The following EPHB1 variants were observed in gnomAD, a reference collection of about 807,000 sequenced individuals.
The protein encoded by EPHB1 is EPH receptor B1, also known as ephrin type-B receptor 1.
In EPHB1, 30 loss-of-function variants were observed where a neutral mutation model predicts 94.4. That is an observed-to-expected ratio of 0.32 (90% confidence interval 0.24 to 0.43). The LOEUF (loss-of-function observed/expected upper bound fraction) is 0.43, where lower values mean the gene tolerates loss of function less well. Ranked by LOEUF, EPHB1 falls within the 20% of genes least tolerant of loss-of-function variation. The probability of loss-of-function intolerance (pLI) is 1.00; values close to 1 mark genes in which losing one functional copy is unlikely to be tolerated. For synonymous variants in EPHB1, 522 were observed against 489.1 expected, an observed-to-expected ratio of 1.07 and a Z score of -0.89; for missense variants, 1,055 against 1,308.3, an observed-to-expected ratio of 0.81 and a Z score of 2.99.
intron 5 of EPHB1, among the ~76,000 whole-genome samples, chr3:135,149,532 G>C (rs951538066): frequency 6.6e-6 from 1 of 152,114 alleles, no homozygotes; most frequent in Non-Finnish European, 1.5e-5. Context: ...TTTCTGTTTT[G>C]TCCGAAAGTT....
chr3:135,199,264 C>T (rs898612762), intron 11 of EPHB1, among the ~76,000 whole-genome samples: 1 of 152,130 alleles, frequency 6.6e-6, no homozygotes, highest in Non-Finnish European at 1.5e-5. Context: ...TGAGATACAC[C>T]TCTGTAATAT....
intron 1 of EPHB1, among the ~76,000 whole-genome samples, chr3:134,891,984 A>G (rs1560284530): frequency 6.6e-6 from 1 of 152,218 alleles, no homozygotes; most frequent in Non-Finnish European, 1.5e-5. Flanking sequence ...CTCTTTAGCC[A>G]GGCTTCTGTT....
chr3:134,849,714 T>C (rs1199159703), intron 1 of EPHB1, among the ~76,000 whole-genome samples: 1 of 152,212 alleles, frequency 6.6e-6, no homozygotes, highest in East Asian at 1.9e-4. Flanking sequence ...AGGAACCATT[T>C]GTGCCAGCTA....
intron 3 of EPHB1, among the ~76,000 whole-genome samples, chr3:135,096,563 A>G (rs1362054593): frequency 6.6e-6 from 1 of 152,208 alleles, no homozygotes; most frequent in African/African-American, 2.4e-5. Context: ...TGGGTGGCTT[A>G]AACAACAAAC....
chr3:134,926,367 CT>C (rs1210103491), intron 2 of EPHB1, among the ~76,000 whole-genome samples: 1 of 152,170 alleles, frequency 6.6e-6, no homozygotes, highest in African/African-American at 2.4e-5. Context: ...TCGTGGCCTC[CT>C]GTGGGAACCA....
At chr3:135,168,516 T>C (rs531629472) in intron 9 of EPHB1, among the ~76,000 whole-genome samples, 27 of 152,372 alleles carry the variant, frequency 1.8e-4, no homozygotes, top group African/African-American at 5.3e-4. Context: ...CTTCTATTTA[T>C]GTTGGCCTGT....
intron 12 of EPHB1, 46 bp from the exon 13 acceptor site, chr3:135,241,102 T>C: frequency 6.2e-7 from 1 of 1,613,628 alleles, no homozygotes; most frequent in East Asian, 2.2e-5. Flanking sequence ...CTGCCTTCAA[T>C]CAGAAACCTG....
At chr3:134,864,183 A>C (rs1477038182) in intron 1 of EPHB1, among the ~76,000 whole-genome samples, 1 of 152,146 alleles carries the variant, frequency 6.6e-6, no homozygotes, top group East Asian at 1.9e-4. Flanking sequence ...CCATCACTGC[A>C]GTTCATGGCT....
intron 3 of EPHB1, among the ~76,000 whole-genome samples, chr3:135,011,791 T>A (rs957990672): frequency 5.9e-5 from 9 of 152,176 alleles, no homozygotes; most frequent in Non-Finnish European, 1.0e-4. Flanking sequence ...GAGGTGTGAG[T>A]CTGCTTTCAT....
At chr3:135,047,730 T>C (rs1233854580) in intron 3 of EPHB1, among the ~76,000 whole-genome samples, 1 of 152,228 alleles carries the variant, frequency 6.6e-6, no homozygotes, top group African/African-American at 2.4e-5. Flanking sequence ...TTGTGACAGT[T>C]TCTTTTTACT....
intron 3 of EPHB1, among the ~76,000 whole-genome samples, chr3:135,017,753 CGT>C (rs1207344867): frequency 6.6e-6 from 1 of 152,132 alleles, no homozygotes; most frequent in Non-Finnish European, 1.5e-5. Context: ...TGGCACTGGG[CGT>C]GTCTTTTTCC....
At chr3:135,038,098 G>C (rs147501012) in intron 3 of EPHB1, among the ~76,000 whole-genome samples, 1 of 152,244 alleles carries the variant, frequency 6.6e-6, no homozygotes, top group Non-Finnish European at 1.5e-5. Context: ...GGTGTGAGGG[G>C]CAAGTTAGCC....
At chr3:135,073,852 T>G (rs953810176) in intron 3 of EPHB1, among the ~76,000 whole-genome samples, 1 of 152,252 alleles carries the variant, frequency 6.6e-6, no homozygotes, top group Admixed American at 6.5e-5. Context: ...GTTTGCTCGT[T>G]GCATTCCAGT....
chr3:134,906,441 GT>G (rs1419288511), intron 1 of EPHB1, among the ~76,000 whole-genome samples: 1 of 152,166 alleles, frequency 6.6e-6, no homozygotes, highest in African/African-American at 2.4e-5. Flanking sequence ...AGCTGTAAGA[GT>G]TTTTTCTTTT....
chr3:134,852,821 A>G lies in EPHB1; in HGVS notation c.58+57132A>G, dbSNP rs79370504. On this transcript the variant is annotated intron_variant, in intron 1 of 15. Transcript: ENST00000398015. ...TGTCATGGGATAAGGGACAGGGGACAAGAAAAAGCAGCAAAACAGTGAGGT... is the reference window on the plus strand; with the variant it reads ...TGTCATGGGATAAGGGACAGGGGACGAGAAAAAGCAGCAAAACAGTGAGGT... Among the ~76,000 whole-genome samples the G allele has an allele frequency of 6.2e-3, 944 of 152,358 alleles. 13 individuals carry two copies. The highest frequency in any genetic ancestry group is 0.021 in the African/African-American group (872 of 41,584).
At chr3:134,840,129 T>C (rs1431062020) in intron 1 of EPHB1, among the ~76,000 whole-genome samples, 1 of 152,244 alleles carries the variant, frequency 6.6e-6, no homozygotes, top group Non-Finnish European at 1.5e-5. Flanking sequence ...CTATGCATCC[T>C]TCTGTCTCCC....
At chr3:134,947,198 G>A (rs928090696) in intron 2 of EPHB1, among the ~76,000 whole-genome samples, 5 of 151,968 alleles carry the variant, frequency 3.3e-5, no homozygotes, top group African/African-American at 1.2e-4. Context: ...GAATGAATGA[G>A]GTATAAATAT....
chr3:135,150,104 T>C (rs759464274), intron 5 of EPHB1, among the ~76,000 whole-genome samples: 6 of 152,182 alleles, frequency 3.9e-5, no homozygotes, highest in Non-Finnish European at 8.8e-5. Context: ...ATGATGGCTT[T>C]CCAGAGAGTA....
At chr3:135,233,115 G>A (rs72981699) in intron 12 of EPHB1, among the ~76,000 whole-genome samples, 1,821 of 152,192 alleles carry the variant, frequency 0.012, 31 homozygotes, top group African/African-American at 0.04. Context: ...ATGCCATTCC[G>A]GCAGTCCCCC....
Sources: gnomAD v4.1 joint callset for allele counts (sites outside exome capture counted in the v4.1 genomes callset) on GRCh38, gnomAD v4.1.1 for gene constraint, MANE v1.5 for transcripts, NCBI Gene and HGNC (gene_info 2026-07-23, HGNC 2026-07-21) for gene names.